ZNF507: variants seen among roughly 807,000 people sequenced by gnomAD.
ZNF507 encodes the protein zinc finger protein 507.
Under a neutral mutation model 80.0 loss-of-function variants are expected in ZNF507, and 29 were observed. That is an observed-to-expected ratio of 0.36 (90% CI 0.27 to 0.49). The LOEUF (loss-of-function observed/expected upper bound fraction) is 0.49. Ranked by LOEUF, ZNF507 falls within the 20% of genes least tolerant of loss-of-function variation. The probability of loss-of-function intolerance (pLI) is 0.98; values close to 1 mark genes in which losing one functional copy is unlikely to be tolerated. For synonymous variants in ZNF507, 462 were observed against 422.5 expected (o/e 1.09, Z -1.15); for missense variants, 1,081 against 1,152.2 (o/e 0.94, Z 0.90).
chr19:32,349,937 C>T (rs551645077), intron 2 of ZNF507, among the ~76,000 whole-genome samples: 66 of 152,296 alleles, frequency 4.3e-4, no homozygotes, highest in African/African-American at 1.4e-3. Context: ...TGTTTTAAAG[C>T]TGTGCTTACA....
At chr19:32,352,709 C>T (rs1044083138) in intron 2 of ZNF507, 120 bp from the exon 3 acceptor site, 2 of 859,650 alleles carry the variant, frequency 2.3e-6, no homozygotes, top group Non-Finnish European at 3.4e-6. Flanking sequence ...CATGGAGCTT[C>T]CAGCTTAGAA....
chr19:32,374,126 T>C (rs2145337805), intron 5 of ZNF507, among the ~76,000 whole-genome samples: 1 of 151,762 alleles, frequency 6.6e-6, no homozygotes, highest in East Asian at 1.9e-4. Flanking sequence ...AACTAAGCCA[T>C]AGTAACTGAA....
rs558516030 is a variant in ZNF507, at chr19:32,354,798, C to G, written c.1968C>G (p.Ile656Met). ...CHYTSGNKGYIKQHLRVHRQR... is the reference protein window; with the variant it reads ...CHYTSGNKGYMKQHLRVHRQR... Reference sequence around the variant, plus strand: ...ACACAAGTGGCAACAAGGGCTACATCAAGCAGCACTTACGAGTCCATCGAC... The same window carrying G: ...ACACAAGTGGCAACAAGGGCTACATGAAGCAGCACTTACGAGTCCATCGAC... Residue 656 changes from isoleucine (I) to methionine (M), a missense_variant, in exon 3 of 7, where the codon ATC becomes ATG. Physicochemically the swap from Ile to Met is conservative, Grantham distance 10. This residue lies in a region of ZNF507 where 614 missense variants were observed against 583.9 expected (regional missense o/e 1.05). Transcript: ENST00000355898. 2 of 1,614,194 alleles carry G rather than the reference C, an allele frequency of 1.2e-6. No individual in the cohort carries two copies. The highest frequency in any genetic ancestry group is 2.2e-5 in the South Asian group (2 of 91,088).
chr19:32,380,479 C>G, intron 5 of ZNF507: 1 of 928,180 alleles, frequency 1.1e-6, no homozygotes, highest in Non-Finnish European at 1.7e-6. Context: ...CATGCTATCA[C>G]AAAGTTAAAT....
intron 5 of ZNF507, among the ~76,000 whole-genome samples, chr19:32,368,985 G>A (rs1049271609): frequency 6.6e-6 from 1 of 152,212 alleles, no homozygotes; most frequent in Non-Finnish European, 1.5e-5. Flanking sequence ...CAGGAAAGTG[G>A]GGGGTTTTAA....
chr19:32,361,212 T>C (rs1407776700), intron 5 of ZNF507, among the ~76,000 whole-genome samples: 1 of 152,224 alleles, frequency 6.6e-6, no homozygotes, highest in African/African-American at 2.4e-5. Flanking sequence ...ATTAAGCTAG[T>C]ATGTGTAGAA....
chr19:32,361,683 CTTCCTTCCT>C (rs1342392364), intron 5 of ZNF507, among the ~76,000 whole-genome samples: 17 of 20,742 alleles, frequency 8.2e-4, no homozygotes, highest in South Asian at 3.2e-3. Flanking sequence ...CCTTCCTTTC[CTTCCTTCCT>C]TTCCTTCCTT....
intron 5 of ZNF507, among the ~76,000 whole-genome samples, chr19:32,378,434 G>A (rs1375997169): frequency 6.6e-6 from 1 of 152,128 alleles, no homozygotes; most frequent in Non-Finnish European, 1.5e-5. Context: ...ATGTTGTCCT[G>A]GATGGGGTCG....
intron 2 of ZNF507, among the ~76,000 whole-genome samples, chr19:32,348,517 T>G (rs910532208): frequency 6.6e-6 from 1 of 152,184 alleles, no homozygotes; most frequent in African/African-American, 2.4e-5. Context: ...AATAGCAAAT[T>G]ATAAGGAAAT....
chr19:32,380,695 A>C, intron 5 of ZNF507: 1 of 1,377,740 alleles, frequency 7.3e-7, no homozygotes, highest in Non-Finnish European at 1.0e-6. Flanking sequence ...GTGCATTTGC[A>C]GTTTCCTAAA....
intron 5 of ZNF507, among the ~76,000 whole-genome samples, chr19:32,381,241 A>G (rs1417045856): frequency 1.3e-5 from 2 of 152,172 alleles, no homozygotes; most frequent in African/African-American, 2.4e-5. Flanking sequence ...GGTGGAGTAC[A>G]GGGCATTTTT....
At chr19:32,374,474 CT>C (rs58648987) in intron 5 of ZNF507, among the ~76,000 whole-genome samples, 169 of 138,088 alleles carry the variant, frequency 1.2e-3, no homozygotes, top group African/African-American at 1.5e-3. Context: ...GCTTTTCTTT[CT>C]TTTTTTTTTT....
chr19:32,380,529 T>A, intron 5 of ZNF507: 1 of 1,389,274 alleles, frequency 7.2e-7, no homozygotes, highest in Non-Finnish European at 9.9e-7. Context: ...TTTGACCGTA[T>A]TTAATTGTTT....
At position 32,352,978 on chromosome 19, in the gene ZNF507, A is replaced by G; in HGVS notation, c.148A>G (p.Lys50Glu). Residue 50 changes from lysine (K) to glutamate (E), a missense_variant, in exon 3 of 7, where the codon AAG becomes GAG. By Grantham distance (56) the Lys-to-Glu change is moderately conservative (BLOSUM62 1). Around this residue, in one of 6 missense-constraint regions of ZNF507, gnomAD observed 275 missense variants for 303.9 expected, o/e 0.90. Transcript: ENST00000355898. ...AGATCCATTAATCCATGTTATCCAG[A>G]AGTTAAGCAAGATAGTGGAAAATGA... ...KPDPLIHVIQ[K>E]LSKIVENEKS... The G allele has an allele frequency of 6.2e-7, 1 of 1,614,064 alleles. No individual in the cohort carries two copies. The highest frequency in any genetic ancestry group is 1.6e-4 in the Middle Eastern group (1 of 6,062).
rs113433395 is a variant in ZNF507 at position 32,354,392 on chromosome 19, T to G, written c.1562T>G (p.Ile521Arg). Residue 521 changes from isoleucine to arginine, a missense_variant, in exon 3 of 7, where the codon ATA becomes AGA. Physicochemically the swap from Ile to Arg is moderately conservative, Grantham distance 97. Coordinates refer to ENST00000355898, the MANE Select transcript of ZNF507 (RefSeq NM_001136156.2). ...TRANLGHYGD[I>R]NLLDPDTSQR... ...GCCAACCTGGGGCACTATGGAGATA[T>G]AAACCTTTTAGATCCAGATACTAGT... 1 of 1,613,980 alleles carries G rather than the reference T, an allele frequency of 6.2e-7. No individual in the cohort carries two copies. The highest frequency in any genetic ancestry group is 8.5e-7 in the Non-Finnish European group (1 of 1,180,026).
rs1289796480 is a variant in ZNF507 at position 32,384,049 on chromosome 19, A to C, written c.*966A>C. ...AAATCCCTTAGGGGATGAGGGGTGA[A>C]ATTTAAAAGCTCCTGAAAATGAGTA... On this transcript the variant is annotated 3_prime_UTR_variant, in exon 7 of 7. Transcript: ENST00000355898. 2 of 152,208 alleles carry C rather than the reference A, an allele frequency of 1.3e-5. No homozygotes were observed. Among genetic ancestry groups the C allele is most frequent in the Non-Finnish European group, 2.9e-5 (2 of 68,040 alleles). 9.4% of individuals were successfully genotyped at this position (152,208 alleles called of 1,614,324 possible).
intron 5 of ZNF507, among the ~76,000 whole-genome samples, chr19:32,377,452 A>G (rs373443515): frequency 5.9e-5 from 9 of 152,304 alleles, no homozygotes; most frequent in Non-Finnish European, 1.3e-4. Context: ...ATAGTATTGG[A>G]ATAAAGAGTA....
Position 32,353,294 on chromosome 19 carries a change from T to C in ZNF507, c.464T>C (p.Leu155Pro), listed in dbSNP as rs143772508. The C allele has an allele frequency of 2.8e-5, 45 of 1,614,140 alleles. No homozygotes were observed. The highest frequency in any genetic ancestry group is 3.8e-5 in the Non-Finnish European group (45 of 1,180,048). ...CATGGTCAGCAAAATGAAGTGATACTGATGTGCTCAGAGTGCCATATTACA... is the reference window on the plus strand; with the variant it reads ...CATGGTCAGCAAAATGAAGTGATACCGATGTGCTCAGAGTGCCATATTACA... ...KQHGQQNEVI[L>P]MCSECHITSR... The change falls in exon 3 of 7, where the codon CTG (leucine) becomes CCG (proline). Residue 155 changes from leucine (L) to proline (P), a missense_variant. Physicochemically the swap from Leu to Pro is moderately conservative, Grantham distance 98 (BLOSUM62 -3). This residue lies in a region of ZNF507 where 275 missense variants were observed against 303.9 expected (regional missense o/e 0.90). Coordinates refer to ENST00000355898, the MANE Select transcript of ZNF507 (RefSeq NM_001136156.2).
chr19:32,351,230 A>G (rs1967158647), intron 2 of ZNF507, among the ~76,000 whole-genome samples: 1 of 152,194 alleles, frequency 6.6e-6, no homozygotes, highest in Admixed American at 6.5e-5. Flanking sequence ...AGCTGATGCC[A>G]TAGGGCAGAG....
Sources: gnomAD v4.1 joint callset for allele counts (sites outside exome capture counted in the v4.1 genomes callset) on GRCh38, gnomAD v4.1.1 for gene constraint, gnomAD v4.1.1 regional missense constraint, MANE v1.5 for transcripts, NCBI Gene and HGNC (gene_info 2026-07-23, HGNC 2026-07-21) for gene names.